The following ANKDD1A variants were observed in gnomAD, a reference collection of about 807,000 sequenced individuals.
ANKDD1A encodes ankyrin repeat and death domain containing 1A.
Under a neutral mutation model 63.5 loss-of-function variants are expected in ANKDD1A, and 59 were observed. The observed-to-expected ratio is 0.93, with a 90% confidence interval of 0.75 to 1.15. ANKDD1A has a LOEUF of 1.15. Ranked by LOEUF, ANKDD1A falls within the 50% of genes most tolerant of loss-of-function variation. The pLI is 0.00. For missense variants in ANKDD1A, 632 were observed against 656.4 expected (o/e 0.96, Z 0.41); for synonymous variants, 266 against 263.9 (o/e 1.01, Z -0.08).
intron 13 of ANKDD1A, among the ~76,000 whole-genome samples, chr15:64,948,413 A>C (rs560623768): frequency 4.9e-4 from 75 of 152,340 alleles, no homozygotes; most frequent in Non-Finnish European, 9.6e-4. Context: ...GAAGTATTCT[A>C]CAATTTGTCT....
intron 9 of ANKDD1A, among the ~76,000 whole-genome samples, chr15:64,936,663 A>AC (rs1316491482): frequency 1.3e-5 from 2 of 151,794 alleles, no homozygotes; most frequent in Non-Finnish European, 2.9e-5. Flanking sequence ...GCATAGTGAG[A>AC]CCCCCGTATC....
chr15:64,918,029 CA>C (rs1454845311), intron 3 of ANKDD1A, among the ~76,000 whole-genome samples: 1 of 152,174 alleles, frequency 6.6e-6, no homozygotes, highest in Non-Finnish European at 1.5e-5. Flanking sequence ...CTAATAATGA[CA>C]TTTGAAAGGG....
chr15:64,944,175 C>G (rs1474299001), intron 11 of ANKDD1A, among the ~76,000 whole-genome samples: 1 of 152,178 alleles, frequency 6.6e-6, no homozygotes, highest in African/African-American at 2.4e-5. Flanking sequence ...CCCATGGCAG[C>G]TGGCCAGATG....
chr15:64,920,401 TG>T (rs1432195964), intron 3 of ANKDD1A, among the ~76,000 whole-genome samples: 3 of 151,974 alleles, frequency 2.0e-5, no homozygotes, highest in Non-Finnish European at 4.4e-5. Flanking sequence ...TCCAGAGAGT[TG>T]GTGGGATGGA....
At chr15:64,939,373 C>T (rs909390419) in intron 9 of ANKDD1A, among the ~76,000 whole-genome samples, 6 of 152,062 alleles carry the variant, frequency 3.9e-5, no homozygotes, top group Admixed American at 2.0e-4. Flanking sequence ...CTTGTAATTC[C>T]GGCACTTTGA....
chr15:64,915,795 A>G lies in ANKDD1A; in HGVS notation c.35-2A>G. The G allele has an allele frequency of 6.2e-7, 1 of 1,613,798 alleles. No homozygotes were observed. Among genetic ancestry groups the G allele is most frequent in the Non-Finnish European group, 8.5e-7 (1 of 1,179,828 alleles). ...ATCCTGCACCCCATTTTCTCCCCAC[A>G]GTGCTTCCTCTGGAGAGGCAGCTCC... On this transcript the variant is annotated splice_acceptor_variant, in intron 1 of 14. Transcript: ENST00000319580. LOFTEE classifies it high-confidence loss of function.
Position 64,922,036 on chromosome 15 carries a change from TAGAC to T in ANKDD1A, c.366+18_366+21del. ...GAGAGCAAGGTAAGGCCTCAGCTGG[TAGAC>T]CCCTGTCCCCTCGGCTCCCCTGGCC... On this transcript the variant is annotated intron_variant, in intron 4 of 14. Coordinates refer to ENST00000319580, the MANE Select transcript of ANKDD1A (RefSeq NM_182703.6). The T allele has an allele frequency of 6.2e-7, 1 of 1,611,528 alleles. No homozygotes were observed. Among genetic ancestry groups the T allele is most frequent in the Non-Finnish European group, 8.5e-7 (1 of 1,177,898 alleles).
intron 14 of ANKDD1A, chr15:64,951,424 T>C (rs1402547037): frequency 1.2e-4 from 17 of 139,898 alleles, no homozygotes; most frequent in East Asian, 1.6e-3. Context: ...TTCTTCCTCT[T>C]TTCTTCTTTT....
intron 14 of ANKDD1A, among the ~76,000 whole-genome samples, chr15:64,953,230 CTTCT>C (rs957103730): frequency 1.5e-5 from 2 of 134,878 alleles, no homozygotes; most frequent in South Asian, 2.4e-4. Flanking sequence ...GTTCCTTATT[CTTCT>C]TTCTTCTTTC....
intron 14 of ANKDD1A, among the ~76,000 whole-genome samples, chr15:64,953,919 TC>T (rs2085365893): frequency 1.6e-4 from 7 of 43,392 alleles, no homozygotes; most frequent in African/African-American, 3.4e-4. Flanking sequence ...TTCTTTCTTC[TC>T]TTTTTCTTTT....
intron 14 of ANKDD1A, among the ~76,000 whole-genome samples, chr15:64,954,960 CT>C (rs2085403852): frequency 6.7e-6 from 1 of 150,296 alleles, no homozygotes; most frequent in Non-Finnish European, 1.5e-5. Flanking sequence ...CTCTCTCCTT[CT>C]TCTTCTCCTT....
chr15:64,945,517 A>G (rs2085215012), intron 12 of ANKDD1A, among the ~76,000 whole-genome samples: 1 of 149,602 alleles, frequency 6.7e-6, no homozygotes, highest in South Asian at 2.1e-4. Flanking sequence ...GCTCCACTAT[A>G]AAGTAATGTA....
chr15:64,914,494 T>C (rs1461778131), intron 1 of ANKDD1A, among the ~76,000 whole-genome samples: 1 of 152,218 alleles, frequency 6.6e-6, no homozygotes, highest in African/African-American at 2.4e-5. Context: ...AGGTTTTGCT[T>C]TTTAGCCCAG....
chr15:64,915,732 T>C (rs1036063016), intron 1 of ANKDD1A, 65 bp from the exon 2 acceptor site: 203 of 1,427,010 alleles, frequency 1.4e-4, no homozygotes, highest in Middle Eastern at 1.3e-3. Context: ...ATGGGTTGTT[T>C]ACCTCTCCTG....
chr15:64,951,682 T>TCTTC (rs1555397443), intron 14 of ANKDD1A, among the ~76,000 whole-genome samples: 1 of 33,754 alleles, frequency 3.0e-5, no homozygotes, highest in South Asian at 5.3e-4. Flanking sequence ...CTTTCCTTCT[T>TCTTC]TCTTCTTCCT....
intron 14 of ANKDD1A, among the ~76,000 whole-genome samples, chr15:64,956,201 T>C (rs1379121641): frequency 6.6e-6 from 1 of 151,866 alleles, no homozygotes; most frequent in Non-Finnish European, 1.5e-5. Flanking sequence ...TCTTCACCTT[T>C]TGCAGGTGAT....
intron 14 of ANKDD1A, among the ~76,000 whole-genome samples, chr15:64,951,788 CCTT>C (rs1216707975): frequency 3.1e-5 from 4 of 130,012 alleles, no homozygotes; most frequent in East Asian, 4.5e-4. Context: ...CTTTCTTCTT[CCTT>C]CTTTCTTTCC....
intron 12 of ANKDD1A, 136 bp from the exon 13 acceptor site, chr15:64,947,268 C>A: frequency 1.3e-6 from 1 of 794,594 alleles, no homozygotes; most frequent in Non-Finnish European, 2.0e-6. Context: ...GGACATTAAG[C>A]CCCTGGCCCT....
chr15:64,937,670 G>A (rs1027515896), intron 9 of ANKDD1A, among the ~76,000 whole-genome samples: 2 of 152,172 alleles, frequency 1.3e-5, no homozygotes, highest in African/African-American at 2.4e-5. Flanking sequence ...AGAGGTTGCA[G>A]TGAGCTGAGA....
Sources: allele counts gnomAD v4.1 joint callset (sites outside exome capture counted in the v4.1 genomes callset), GRCh38; gene constraint gnomAD v4.1.1; transcripts MANE v1.5; gene names NCBI Gene and HGNC (gene_info 2026-07-23, HGNC 2026-07-21).